DOK6: variants seen among roughly 807,000 people sequenced by gnomAD.
DOK6 encodes the protein downstream of tyrosine kinase 6.
Under a neutral mutation model 44.0 loss-of-function variants are expected in DOK6, and 22 were observed. That is an observed-to-expected ratio of 0.50 (90% CI 0.36 to 0.71). The LOEUF (loss-of-function observed/expected upper bound fraction) is 0.71, where lower values mean the gene tolerates loss of function less well. Ranked by LOEUF, DOK6 falls within the 30% of genes least tolerant of loss-of-function variation. The probability of loss-of-function intolerance (pLI) is 0.00; values close to 1 mark genes in which losing one functional copy is unlikely to be tolerated. For missense variants in DOK6, 340 were observed against 416.4 expected (o/e 0.82, Z 1.60); for synonymous variants, 166 against 145.5 (o/e 1.14, Z -1.01).
chr18:69,672,214 C>G (rs576634932), intron 3 of DOK6, among the ~76,000 whole-genome samples: 2 of 151,708 alleles, frequency 1.3e-5, no homozygotes, highest in Non-Finnish European at 2.9e-5. Context: ...ACTTAGAAAA[C>G]TAATCGTACC....
chr18:69,617,726 A>AGAAAGAAAAAG (rs1377399642), intron 3 of DOK6, among the ~76,000 whole-genome samples: 1 of 115,842 alleles, frequency 8.6e-6, no homozygotes, highest in Non-Finnish European at 1.9e-5. Flanking sequence ...AAAGAAAGAA[A>AGAAAGAAAAAG]AAAGGGGGAA....
chr18:69,507,097 G>A (rs1404369880), intron 1 of DOK6, among the ~76,000 whole-genome samples: 1 of 151,774 alleles, frequency 6.6e-6, no homozygotes, highest in Non-Finnish European at 1.5e-5. Flanking sequence ...GTACATTCTC[G>A]GCTCACTGCA....
intron 1 of DOK6, among the ~76,000 whole-genome samples, chr18:69,470,330 TC>T (rs1233771574): frequency 2.0e-5 from 3 of 152,150 alleles, no homozygotes; most frequent in Non-Finnish European, 4.4e-5. Flanking sequence ...GCTGGGAGCT[TC>T]TGAGCTATCT....
chr18:69,490,225 G>A (rs905037714), intron 1 of DOK6, among the ~76,000 whole-genome samples: 4 of 152,054 alleles, frequency 2.6e-5, no homozygotes, highest in African/African-American at 4.8e-5. Flanking sequence ...GTGGTGAAAC[G>A]CCAGACCTCA....
At chr18:69,722,184 C>T (rs990933742) in intron 5 of DOK6, among the ~76,000 whole-genome samples, 4 of 152,174 alleles carry the variant, frequency 2.6e-5, no homozygotes, top group Non-Finnish European at 5.9e-5. Context: ...ATTCTTAATA[C>T]ATTCTTCAGG....
chr18:69,779,756 T>C (rs1980199834), intron 7 of DOK6, among the ~76,000 whole-genome samples: 1 of 151,870 alleles, frequency 6.6e-6, no homozygotes, highest in African/African-American at 2.4e-5. Flanking sequence ...AATCTGCCAC[T>C]GTATCATAGT....
chr18:69,483,598 TG>T (rs1980491316), intron 1 of DOK6: 3 of 152,236 alleles, frequency 2.0e-5, no homozygotes, highest in African/African-American at 7.2e-5. Context: ...TTGCTTTTCT[TG>T]GCTGCTGCTT....
At chr18:69,473,117 A>C (rs73468805) in intron 1 of DOK6, among the ~76,000 whole-genome samples, 1 of 152,196 alleles carries the variant, frequency 6.6e-6, no homozygotes, top group South Asian at 2.1e-4. Flanking sequence ...TTTATTTTGC[A>C]TAACTGATAT....
chr18:69,491,625 G>A (rs954317521), intron 1 of DOK6, among the ~76,000 whole-genome samples: 1 of 152,136 alleles, frequency 6.6e-6, no homozygotes, highest in Non-Finnish European at 1.5e-5. Flanking sequence ...TAGGTTGTTA[G>A]CAGTGCGTTT....
intron 5 of DOK6, among the ~76,000 whole-genome samples, chr18:69,699,073 G>T (rs1986454551): frequency 6.6e-6 from 1 of 152,048 alleles, no homozygotes; most frequent in African/African-American, 2.4e-5. Flanking sequence ...ACAGCATATG[G>T]TTGGAATCCA....
chr18:69,753,824 C>CT (rs11400448), intron 6 of DOK6, among the ~76,000 whole-genome samples: 71,712 of 149,914 alleles, frequency 0.48, 18,249 homozygotes, highest in East Asian at 0.69. Flanking sequence ...CTGTTTGAGA[C>CT]TTTTTTTTTT....
chr18:69,645,471 C>A (rs2144657728), intron 3 of DOK6, among the ~76,000 whole-genome samples: 1 of 152,168 alleles, frequency 6.6e-6, no homozygotes, highest in Middle Eastern at 3.4e-3. Flanking sequence ...AAAGTTGGGA[C>A]CAATTGTATC....
At chr18:69,734,010 T>C (rs1978511012) in intron 5 of DOK6, among the ~76,000 whole-genome samples, 1 of 152,196 alleles carries the variant, frequency 6.6e-6, no homozygotes, top group Non-Finnish European at 1.5e-5. Flanking sequence ...TCTGTGACTT[T>C]ATTTGAATCC....
chr18:69,616,718 A>G (rs977651874), intron 3 of DOK6, among the ~76,000 whole-genome samples: 1 of 152,238 alleles, frequency 6.6e-6, no homozygotes, highest in Non-Finnish European at 1.5e-5. Flanking sequence ...CAGAATTTAC[A>G]TAAAGCATAT....
intron 1 of DOK6, among the ~76,000 whole-genome samples, chr18:69,521,217 C>T (rs978757944): frequency 2.0e-5 from 3 of 151,516 alleles, no homozygotes; most frequent in Admixed American, 1.3e-4. Flanking sequence ...ACCATGAATC[C>T]GAGTTTCTTA....
At chr18:69,544,320 T>C (rs1263174651) in intron 1 of DOK6, among the ~76,000 whole-genome samples, 1 of 151,530 alleles carries the variant, frequency 6.6e-6, no homozygotes, top group Non-Finnish European at 1.5e-5. Flanking sequence ...ATCAATGTTA[T>C]ATTATCCATG....
At chr18:69,826,415 A>G (rs953809236) in intron 7 of DOK6, among the ~76,000 whole-genome samples, 31 of 152,236 alleles carry the variant, frequency 2.0e-4, no homozygotes, top group Admixed American at 1.3e-3. Flanking sequence ...ATTCATAAAA[A>G]TATATCTCAA....
chr18:69,825,965 T>C (rs756379934), intron 7 of DOK6, among the ~76,000 whole-genome samples: 18 of 152,170 alleles, frequency 1.2e-4, no homozygotes, highest in Non-Finnish European at 2.4e-4. Context: ...TATTGTCCTT[T>C]TCCCCAATCA....
At chr18:69,703,159 CTT>C (rs1478324618) in intron 5 of DOK6, among the ~76,000 whole-genome samples, 2 of 152,090 alleles carry the variant, frequency 1.3e-5, no homozygotes, top group Non-Finnish European at 2.9e-5. Context: ...GGCATTATCT[CTT>C]TGGAATTAAA....
Sources: allele counts gnomAD v4.1 joint callset (sites outside exome capture counted in the v4.1 genomes callset), GRCh38; gene constraint gnomAD v4.1.1; transcripts MANE v1.5; gene names NCBI Gene and HGNC (gene_info 2026-07-23, HGNC 2026-07-21).